KLF3: variants seen among roughly 807,000 people sequenced by gnomAD.
KLF3 encodes KLF transcription factor 3.
KLF3 carries 6 observed loss-of-function variants against 32.7 expected under a neutral mutation model. That is an observed-to-expected ratio of 0.18 (90% CI 0.10 to 0.36). The LOEUF is 0.36. Ranked by LOEUF, KLF3 falls within the 10% of genes least tolerant of loss-of-function variation. The pLI is 1.00. For synonymous variants in KLF3, 145 were observed against 172.8 expected (o/e 0.84, Z 1.26); for missense variants, 338 against 449.7 (o/e 0.75, Z 2.25).
Position 38,672,588 on chromosome 4 carries a change from G to C in KLF3, c.-39-7999G>C, listed in dbSNP as rs575398866. ...GGCCAAAAATGAACAAAGGCCTGGG[G>C]GTGGGCAGGGCAGCCGGCATGAAGG... is the stretch of plus-strand genomic sequence containing the variant. On this transcript the variant is annotated intron_variant, in intron 1 of 5. Transcript: ENST00000261438. 5.9e-5 allele frequency among the ~76,000 whole-genome samples: 9 copies of C among 152,088 alleles called. No individual in the cohort carries two copies. The East Asian group carries it at 1.8e-3, about 30-fold the overall frequency.
At chr4:38,689,951 A>C in intron 4 of KLF3, 72 bp downstream of exon 4, 1 of 1,457,628 alleles carries the variant, frequency 6.9e-7, no homozygotes, top group Non-Finnish European at 9.4e-7. Context: ...GAAGCACAAG[A>C]TTTCACACGT....
At chr4:38,681,267 G>C (rs988424317) in intron 2 of KLF3, among the ~76,000 whole-genome samples, 1 of 152,132 alleles carries the variant, frequency 6.6e-6, no homozygotes, top group African/African-American at 2.4e-5. Flanking sequence ...TCTCATGACA[G>C]AAGTAAGTTT....
At chr4:38,680,501 ACCTT>A in intron 1 of KLF3, 82 bp from the exon 2 acceptor site, 1 of 641,770 alleles carries the variant, frequency 1.6e-6, no homozygotes, top group South Asian at 1.6e-5. Flanking sequence ...GGGGTGAGCC[ACCTT>A]GCCCAGGCTA....
At chr4:38,678,024 G>A (rs1162787324) in intron 1 of KLF3, among the ~76,000 whole-genome samples, 2 of 152,122 alleles carry the variant, frequency 1.3e-5, no homozygotes, top group African/African-American at 4.8e-5. Context: ...TTTGCAGCCT[G>A]CTTGAGTCTC....
intron 2 of KLF3, among the ~76,000 whole-genome samples, chr4:38,682,968 T>A (rs1398796325): frequency 6.6e-6 from 1 of 152,206 alleles, no homozygotes; most frequent in African/African-American, 2.4e-5. Flanking sequence ...TATTTTTTTC[T>A]TAATTCAGTG....
rs1206984120 is a variant in KLF3, at chr4:38,674,356, G to T, written c.-39-6231G>T. On this transcript the variant is annotated intron_variant, in intron 1 of 5. Coordinates refer to ENST00000261438, the MANE Select transcript of KLF3 (RefSeq NM_016531.6). This position sits in a 1 kb window ranked among gnomAD's most constrained non-coding sequence, Gnocchi z 4.1. Reference sequence around the variant, plus strand: ...GAAGAGAGAAAAGTTTCTCTGGAAAGGAAGTTTAGCTACAGGGATGTTGCT... The same window carrying T: ...GAAGAGAGAAAAGTTTCTCTGGAAATGAAGTTTAGCTACAGGGATGTTGCT... Among the ~76,000 whole-genome samples the T allele has an allele frequency of 6.6e-6, 1 of 152,126 alleles. No homozygotes were observed. Among genetic ancestry groups the T allele is most frequent in the Non-Finnish European group, 1.5e-5 (1 of 68,028 alleles).
chr4:38,680,814 A>C (rs1579123154), intron 2 of KLF3, 132 bp downstream of exon 2: 1 of 647,710 alleles, frequency 1.5e-6, no homozygotes, highest in Non-Finnish European at 2.8e-6. Context: ...ACTTTGGGAG[A>C]CCGAGGCGGG....
chr4:38,668,937 G>A (rs894526156), intron 1 of KLF3, among the ~76,000 whole-genome samples: 2 of 152,186 alleles, frequency 1.3e-5, no homozygotes, highest in African/African-American at 4.8e-5. Flanking sequence ...ATGGGAACAA[G>A]AGTTTTAATT....
rs182174900 is a variant in KLF3, at chr4:38,675,233, C to A, written c.-39-5354C>A. ...CTGTTTCTCCTTTTTGAGGACCATT[C>A]ATTTTTATTGGCCTTTCTCTGCAAA... On this transcript the variant is annotated intron_variant, in intron 1 of 5. Coordinates refer to ENST00000261438, the MANE Select transcript of KLF3 (RefSeq NM_016531.6). 1.0e-3 allele frequency among the ~76,000 whole-genome samples: 158 copies of A among 152,330 alleles called. 1 individual carries two copies. Among genetic ancestry groups the A allele is most frequent in the African/African-American group, 3.7e-3 (153 of 41,584 alleles).
intron 1 of KLF3, among the ~76,000 whole-genome samples, chr4:38,668,508 A>T (rs1201873944): frequency 6.6e-6 from 1 of 152,204 alleles, no homozygotes; most frequent in Non-Finnish European, 1.5e-5. Context: ...ATATGATATT[A>T]AGAGAGTTAT....
At chr4:38,676,956 G>GTTT (rs34392158) in intron 1 of KLF3, among the ~76,000 whole-genome samples, 86 of 105,474 alleles carry the variant, frequency 8.2e-4, no homozygotes, top group Non-Finnish European at 1.3e-3. Context: ...GTGCCAGTGT[G>GTTT]TTTTTTTTTT....
chr4:38,679,541 T>C (rs1722454187), intron 1 of KLF3, among the ~76,000 whole-genome samples: 2 of 152,312 alleles, frequency 1.3e-5, no homozygotes, highest in East Asian at 1.9e-4. Flanking sequence ...AGAAAACTTA[T>C]CCTAAAAATT....
Position 38,690,076 on chromosome 4 carries a change from C to T in KLF3, c.695+197C>T, listed in dbSNP as rs1054828483. 21 of 444,298 alleles carry T rather than the reference C, an allele frequency of 4.7e-5. 1 individual carries two copies. The highest frequency in any genetic ancestry group is 4.7e-4 in the Middle Eastern group (1 of 2,130). The allele number at this position is 444,298 out of a possible 1,614,324, so 27.5% of individuals were successfully genotyped here. A position where few individuals can be genotyped will look rare whatever the true frequency, so the allele number is the denominator to read the frequency against. ...AAACAATATGCTGTTACACTGACAA[C>T]GTTATGACAAAAGTTACATCAAGTT... On this transcript the variant is annotated intron_variant, in intron 4 of 5. Coordinates refer to ENST00000261438, the MANE Select transcript of KLF3 (RefSeq NM_016531.6).
chr4:38,677,834 C>T (rs941202290), intron 1 of KLF3, among the ~76,000 whole-genome samples: 3 of 151,592 alleles, frequency 2.0e-5, no homozygotes, highest in Admixed American at 6.6e-5. Context: ...ACAGAATATA[C>T]ATCCAGATTT....
intron 4 of KLF3, among the ~76,000 whole-genome samples, chr4:38,690,913 C>T (rs1722858840): frequency 6.6e-6 from 1 of 152,088 alleles, no homozygotes; most frequent in Non-Finnish European, 1.5e-5. Flanking sequence ...TTCATAGTAG[C>T]TCATGGATTA....
intron 1 of KLF3, among the ~76,000 whole-genome samples, chr4:38,669,709 A>G (rs1311814335): frequency 6.6e-6 from 1 of 151,946 alleles, no homozygotes; most frequent in African/African-American, 2.4e-5. Flanking sequence ...CCTAGCCAAC[A>G]TGGCAAAACC....
intron 2 of KLF3, among the ~76,000 whole-genome samples, chr4:38,684,377 C>T (rs1722625977): frequency 6.6e-6 from 1 of 152,078 alleles, no homozygotes; most frequent in Non-Finnish European, 1.5e-5. Flanking sequence ...TAATTGAGCA[C>T]CTATTGCAGG....
chr4:38,679,308 C>A (rs893933084), intron 1 of KLF3, among the ~76,000 whole-genome samples: 2 of 152,148 alleles, frequency 1.3e-5, no homozygotes, highest in Admixed American at 1.3e-4. Flanking sequence ...AAAATAACTT[C>A]AATAACCAAA....
In KLF3 at chr4:38,674,567, A is replaced by G. The variant is rs941605750; in HGVS notation, c.-39-6020A>G. On this transcript the variant is annotated intron_variant, in intron 1 of 5. Coordinates refer to ENST00000261438, the MANE Select transcript of KLF3 (RefSeq NM_016531.6). This position sits in a 1 kb window ranked among gnomAD's most constrained non-coding sequence, Gnocchi z 4.1. Reference sequence around the variant, plus strand: ...AGGCTTAGCGATGGTGTGTTAGTGTATTGCTCCGTATGCCTAGCCGAGGTC... The same window carrying G: ...AGGCTTAGCGATGGTGTGTTAGTGTGTTGCTCCGTATGCCTAGCCGAGGTC... Among the ~76,000 whole-genome samples, 1 of 151,966 alleles carries G rather than the reference A, an allele frequency of 6.6e-6. No individual in the cohort carries two copies.
Sources: gnomAD v4.1 joint callset for allele counts (sites outside exome capture counted in the v4.1 genomes callset) on GRCh38, gnomAD v4.1.1 for gene constraint, Gnocchi (gnomAD v3.1) non-coding constraint, MANE v1.5 for transcripts, NCBI Gene and HGNC (gene_info 2026-07-23, HGNC 2026-07-21) for gene names.